The following MKX variants were observed in gnomAD, a reference collection of about 807,000 sequenced individuals.
MKX encodes the protein mohawk homeobox.
In MKX, 13 loss-of-function variants were observed where a neutral mutation model predicts 36.0. The observed-to-expected ratio is 0.36, with a 90% CI of 0.24 to 0.57. MKX has a LOEUF of 0.57. Among genes scored for constraint, MKX ranks in the 20% least tolerant of loss-of-function variants. MKX has a pLI of 0.79. For synonymous variants in MKX, 176 were observed against 178.3 expected, an observed-to-expected ratio of 0.99 and a Z score of 0.10; for missense variants, 458 against 456.4, an observed-to-expected ratio of 1.00 and a Z score of -0.03.
intron 5 of MKX, among the ~76,000 whole-genome samples, chr10:27,723,647 A>G (rs1247407023): frequency 6.6e-6 from 1 of 152,202 alleles, no homozygotes; most frequent in Non-Finnish European, 1.5e-5. Flanking sequence ...AGCCCCAGTA[A>G]CATTTAAGGA....
Position 27,741,551 on chromosome 10 carries a change from C to CCG in MKX, c.189-49_189-48dup, listed in dbSNP as rs765655739. ...CGGCCCTGGTGAGCGACGCGTTTGC[C>CCG]CGCCCGGACGCTCCACGCCCCGGCC... On this transcript the variant is annotated intron_variant, in intron 2 of 6. Coordinates refer to ENST00000419761, the MANE Select transcript of MKX (RefSeq NM_173576.3). This position sits in a 1 kb window ranked among gnomAD's most constrained non-coding sequence, Gnocchi z 5.1. The CCG allele has an allele frequency of 1.4e-5, 22 of 1,523,104 alleles. No individual in the cohort carries two copies. In the South Asian group the frequency reaches 2.7e-4, roughly 18 times the overall value. The allele number at this position is 1,523,104 out of a possible 1,614,324, so 94.3% of individuals were successfully genotyped here.
chr10:27,710,878 C>T (rs966189100), intron 5 of MKX, among the ~76,000 whole-genome samples: 3 of 152,066 alleles, frequency 2.0e-5, no homozygotes, highest in African/African-American at 7.2e-5. Flanking sequence ...AGGCTGGTCT[C>T]AAACTCCTGA....
intron 3 of MKX, among the ~76,000 whole-genome samples, chr10:27,737,370 A>C (rs1834803374): frequency 6.6e-6 from 1 of 152,116 alleles, no homozygotes; most frequent in African/African-American, 2.4e-5. Context: ...TAGTCACTTC[A>C]CTTCTTCAAA....
At position 27,673,453 on chromosome 10, in the gene MKX, G is replaced by T. The variant is rs1836086302; in HGVS notation, c.*1776C>A. 1 of 152,402 alleles carries T rather than the reference G, an allele frequency of 6.6e-6. No individual in the cohort carries two copies. The allele number at this position is 152,402 out of a possible 1,614,324, so 9.4% of individuals were successfully genotyped here. A position where few individuals can be genotyped will look rare whatever the true frequency, so the allele number is the denominator to read the frequency against. On this transcript the variant is annotated 3_prime_UTR_variant, in exon 7 of 7. Coordinates refer to ENST00000419761, the MANE Select transcript of MKX (RefSeq NM_173576.3). ...GAAGTATTTGTCTTTAGTTTTCATT[G>T]ACATGCTCACATTTTGGCATTTTTG... is the stretch of plus-strand genomic sequence containing the variant.
chr10:27,731,465 T>C (rs1377657004), intron 5 of MKX, among the ~76,000 whole-genome samples: 1 of 152,182 alleles, frequency 6.6e-6, no homozygotes, highest in Non-Finnish European at 1.5e-5. Flanking sequence ...ACACTGTCAC[T>C]CAATTCCCAC....
intron 5 of MKX, among the ~76,000 whole-genome samples, chr10:27,692,825 T>A (rs1006154802): frequency 3.3e-5 from 5 of 152,200 alleles, no homozygotes; most frequent in Admixed American, 3.3e-4. Flanking sequence ...AACAGAGTAT[T>A]TGGTTATTTT....
At chr10:27,694,221 C>G (rs1373497333) in intron 5 of MKX, among the ~76,000 whole-genome samples, 1 of 152,034 alleles carries the variant, frequency 6.6e-6, no homozygotes, top group Non-Finnish European at 1.5e-5. Flanking sequence ...CTAACATACT[C>G]TTACCAGTTT....
intron 5 of MKX, among the ~76,000 whole-genome samples, chr10:27,685,437 A>G (rs1836324797): frequency 7.7e-6 from 1 of 130,154 alleles, no homozygotes; most frequent in Admixed American, 9.9e-5. Context: ...TACTTTCAGC[A>G]GAGTGATTTT....
intron 5 of MKX, among the ~76,000 whole-genome samples, chr10:27,699,063 T>G (rs1345158974): frequency 1.3e-5 from 2 of 152,204 alleles, no homozygotes. Context: ...CATACTCTAT[T>G]TACTCTCAGA....
rs539893179 is a variant in MKX at position 27,699,508 on chromosome 10, C to A, written c.839-23954G>T. On this transcript the variant is annotated intron_variant, in intron 5 of 6. Transcript: ENST00000419761. ...TGGAGGACAGATGCTTCATGAAGAA[C>A]GAATACGTCAATAACGTTCACTTGC... is the stretch of plus-strand genomic sequence containing the variant. Among the ~76,000 whole-genome samples the A allele has an allele frequency of 2.6e-5, 4 of 152,246 alleles. No homozygotes were observed. The East Asian group carries it at 5.8e-4, about 22-fold the overall frequency.
At chr10:27,683,161 A>G (rs1052887027) in intron 5 of MKX, among the ~76,000 whole-genome samples, 2 of 152,312 alleles carry the variant, frequency 1.3e-5, no homozygotes, top group African/African-American at 4.8e-5. Flanking sequence ...GAAGCTGCTT[A>G]TCTCCTGCTA....
At chr10:27,711,443 C>CTT (rs1564356799) in intron 5 of MKX, among the ~76,000 whole-genome samples, 3 of 8,872 alleles carry the variant, frequency 3.4e-4, no homozygotes, top group South Asian at 8.5e-3. Flanking sequence ...TTCTTTCTTT[C>CTT]TTTCTTTCTT....
At position 27,734,349 on chromosome 10, in the gene MKX, T is replaced by A. The variant is rs1834700092; in HGVS notation, c.838+107A>T. On this transcript the variant is annotated intron_variant, in intron 5 of 6. Coordinates refer to ENST00000419761, the MANE Select transcript of MKX (RefSeq NM_173576.3). ...TTAAAACTGAATTATGGGCAATATG[T>A]GAATAATCTGATGTCTTTATACCTG... 1.3e-5 allele frequency: 13 copies of A among 1,004,606 alleles called. No individual in the cohort carries two copies. The Middle Eastern group carries it at 7.8e-4, about 60-fold the overall frequency. The allele number at this position is 1,004,606 out of a possible 1,614,324, so 62.2% of individuals were successfully genotyped here.
intron 5 of MKX, among the ~76,000 whole-genome samples, chr10:27,682,690 C>T (rs887756965): frequency 2.0e-5 from 3 of 152,114 alleles, no homozygotes; most frequent in East Asian, 1.9e-4. Flanking sequence ...TCAAAAGAAG[C>T]GCACAACTGA....
At chr10:27,703,237 T>C (rs966516666) in intron 5 of MKX, among the ~76,000 whole-genome samples, 3 of 152,188 alleles carry the variant, frequency 2.0e-5, no homozygotes, top group African/African-American at 7.2e-5. Flanking sequence ...TACCAAGTGC[T>C]TTCTCCATCG....
At chr10:27,743,201 G>T in intron 2 of MKX, 27 bp downstream of exon 2, 1 of 1,434,152 alleles carries the variant, frequency 7.0e-7, no homozygotes, top group Non-Finnish European at 9.1e-7. Flanking sequence ...CCGCAGGCGG[G>T]CAGGGCCCCC....
At chr10:27,737,846 C>T (rs1022849115) in intron 3 of MKX, among the ~76,000 whole-genome samples, 3 of 152,094 alleles carry the variant, frequency 2.0e-5, no homozygotes, top group Non-Finnish European at 4.4e-5. Context: ...AGCAACCACA[C>T]ATAGTACAGT....
At chr10:27,711,479 C>CT (rs59629401) in intron 5 of MKX, among the ~76,000 whole-genome samples, 2 of 26,126 alleles carry the variant, frequency 7.7e-5, no homozygotes, top group East Asian at 4.3e-3. Context: ...TTCTTTCTTT[C>CT]TTTCTCTCTC....
intron 5 of MKX, among the ~76,000 whole-genome samples, chr10:27,720,806 G>C (rs1834359117): frequency 6.6e-6 from 1 of 152,140 alleles, no homozygotes. Flanking sequence ...AGAGAGGAAG[G>C]AAGGGAAAGA....
Sources: allele counts gnomAD v4.1 joint callset (sites outside exome capture counted in the v4.1 genomes callset), GRCh38; gene constraint gnomAD v4.1.1; non-coding constraint Gnocchi (gnomAD v3.1); transcripts MANE v1.5; gene names NCBI Gene and HGNC (gene_info 2026-07-23, HGNC 2026-07-21).